The following JPH4 variants were observed in gnomAD, a reference collection of about 807,000 sequenced individuals.
JPH4 encodes junctophilin 4, also known as junctophilin-4.
A neutral mutation model predicts 57.6 loss-of-function variants in JPH4; 18 were observed. The observed-to-expected ratio is 0.31, with a 90% CI of 0.22 to 0.46. The LOEUF (loss-of-function observed/expected upper bound fraction) is 0.46. Ranked by LOEUF, JPH4 falls within the 20% of genes least tolerant of loss-of-function variation. The probability of loss-of-function intolerance (pLI) is 1.00; values close to 1 mark genes in which losing one functional copy is unlikely to be tolerated. For missense variants in JPH4, 727 were observed against 911.1 expected, an observed-to-expected ratio of 0.80 and a Z score of 2.60; for synonymous variants, 425 against 406.6, an observed-to-expected ratio of 1.05 and a Z score of -0.54.
chr14:23,575,734 G>C lies in JPH4; in HGVS notation c.1102C>G (p.Arg368Gly). Residue 368 changes from arginine to glycine, a missense_variant, in exon 3 of 6, where the codon CGT becomes GGT. Arg to Gly is a moderately radical substitution (Grantham distance 125). This residue lies in a region of JPH4 where 112 missense variants were observed against 199.4 expected (regional missense o/e 0.56). Coordinates refer to ENST00000356300, the MANE Select transcript of JPH4 (RefSeq NM_001146028.2). The surrounding 1 kb of genome is among the most constrained non-coding windows in gnomAD (Gnocchi z 6.9). ...TGACGGGCAGCACTCACGGCTCGAC[G>C]GGCGCCCTCGACAGCCCTGTCCACC... ...EKVDRAVEGA[R>G]RAVSAARQRQ... 2 of 1,594,042 alleles carry C rather than the reference G, an allele frequency of 1.3e-6. No individual in the cohort carries two copies. Among genetic ancestry groups the C allele is most frequent in the Non-Finnish European group, 1.7e-6 (2 of 1,173,104 alleles).
rs1485983992 is a variant in JPH4 at position 23,577,023 on chromosome 14, G to C, written c.379+52C>G. ...AATGGCGGGCGAAGGCCCAAGGCTGGGGAAGGCGCACGCGGACGAGCAGAC... is the reference window on the plus strand; with the variant it reads ...AATGGCGGGCGAAGGCCCAAGGCTGCGGAAGGCGCACGCGGACGAGCAGAC... On this transcript the variant is annotated intron_variant, in intron 2 of 5. Transcript: ENST00000356300. The surrounding 1 kb of genome is among the most constrained non-coding windows in gnomAD (Gnocchi z 8.4). 18 of 1,444,826 alleles carry C rather than the reference G, an allele frequency of 1.2e-5. No individual in the cohort carries two copies. The South Asian group carries it at 2.1e-4, about 16-fold the overall frequency. The allele number at this position is 1,444,826 out of a possible 1,614,324, so 89.5% of individuals were successfully genotyped here. A position where few individuals can be genotyped will look rare whatever the true frequency, so the allele number is the denominator to read the frequency against.
At position 23,576,296 on chromosome 14, in the gene JPH4, C is replaced by G. The variant is rs1044389038; in HGVS notation, c.540G>C (p.Pro180=). The change falls in exon 3 of 6, where the codon CCG becomes CCC. Residue 180 remains proline, a synonymous_variant. Coordinates refer to ENST00000356300, the MANE Select transcript of JPH4 (RefSeq NM_001146028.2). The surrounding 1 kb of genome is among the most constrained non-coding windows in gnomAD (Gnocchi z 8.0). The part of the protein sequence containing the change: ...PPTPPPPLPL[P]GDEGGSPASG... ...AGGCGGGGCTGCCTCCCTCGTCGCC[C>G]GGCAAGGGCAGGGGCGGGGGTGGCG... The G allele has an allele frequency of 1.6e-6, 2 of 1,267,218 alleles. No individual in the cohort carries two copies. Among genetic ancestry groups the G allele is most frequent in the Non-Finnish European group, 2.0e-6 (2 of 1,008,086 alleles). 78.5% of individuals were successfully genotyped at this position (1,267,218 alleles called of 1,614,324 possible).
In JPH4 at chr14:23,575,602, C is replaced by A; in HGVS notation, c.1151+83G>T. ...AGGCCCTAGGCCTTGGGCCTTGGGC[C>A]TCCCTTAGGCACACCCGCCTTCCTG... On this transcript the variant is annotated intron_variant, in intron 3 of 5. Coordinates refer to ENST00000356300, the MANE Select transcript of JPH4 (RefSeq NM_001146028.2). This position sits in a 1 kb window ranked among gnomAD's most constrained non-coding sequence, Gnocchi z 6.9. 6.6e-7 allele frequency: 1 copy of A among 1,523,302 alleles called. No individual in the cohort carries two copies. Among genetic ancestry groups the A allele is most frequent in the South Asian group, 1.2e-5 (1 of 83,734 alleles). 94.4% of individuals were successfully genotyped at this position (1,523,302 alleles called of 1,614,324 possible). A position where few individuals can be genotyped will look rare whatever the true frequency, so the allele number is the denominator to read the frequency against.
Position 23,577,545 on chromosome 14 carries a change from C to T in JPH4, c.-92G>A. On this transcript the variant is annotated 5_prime_UTR_variant, in exon 2 of 6. Coordinates refer to ENST00000356300, the MANE Select transcript of JPH4 (RefSeq NM_001146028.2). This position sits in a 1 kb window ranked among gnomAD's most constrained non-coding sequence, Gnocchi z 8.4. ...GGGGCCTTGGAGCCGGGCGAGGCCT[C>T]GGGGCGGGGGCAGTTAGACCGGGGC... 1 of 1,084,404 alleles carries T rather than the reference C, an allele frequency of 9.2e-7. No homozygotes were observed. Among genetic ancestry groups the T allele is most frequent in the Non-Finnish European group, 1.2e-6 (1 of 820,234 alleles). 67.2% of individuals were successfully genotyped at this position (1,084,404 alleles called of 1,614,324 possible). A position where few individuals can be genotyped will look rare whatever the true frequency, so the allele number is the denominator to read the frequency against.
chr14:23,571,654 G>C lies in JPH4; in HGVS notation c.1270+148C>G. 1 of 1,000,514 alleles carries C rather than the reference G, an allele frequency of 1.0e-6. No individual in the cohort carries two copies. Among genetic ancestry groups the C allele is most frequent in the East Asian group, 2.4e-5 (1 of 41,828 alleles). The allele number at this position is 1,000,514 out of a possible 1,614,324, so 62.0% of individuals were successfully genotyped here. ...CCCACTCCCCAGACTACCAGGTCTGGCCCCCACCCTGTGTTCCTTGCACCC... is the reference window on the plus strand; with the variant it reads ...CCCACTCCCCAGACTACCAGGTCTGCCCCCCACCCTGTGTTCCTTGCACCC... On this transcript the variant is annotated intron_variant, in intron 4 of 5. Coordinates refer to ENST00000356300, the MANE Select transcript of JPH4 (RefSeq NM_001146028.2). This position sits in a 1 kb window ranked among gnomAD's most constrained non-coding sequence, Gnocchi z 4.6.
chr14:23,572,038 G>A (rs959591369), intron 3 of JPH4, 118 bp from the exon 4 acceptor site: 4 of 874,410 alleles, frequency 4.6e-6, no homozygotes, highest in Admixed American at 2.1e-5. Flanking sequence ...CTCTCCTCTG[G>A]AGTCGTCACC....
rs1889270831 is a variant in JPH4, at chr14:23,576,270, G to A, written c.566C>T (p.Ser189Leu). 1 of 1,265,734 alleles carries A rather than the reference G, an allele frequency of 7.9e-7. No homozygotes were observed. The allele number at this position is 1,265,734 out of a possible 1,614,324, so 78.4% of individuals were successfully genotyped here. A position where few individuals can be genotyped will look rare whatever the true frequency, so the allele number is the denominator to read the frequency against. ...CAGCACGAAGCCGCCCCGGGAGCCC[G>A]AGGCGGGGCTGCCTCCCTCGTCGCC... ...LPGDEGGSPA[S>L]GSRGGFVLAG... The change falls in exon 3 of 6, where the codon TCG becomes TTG. Residue 189 changes from serine (S) to leucine (L), a missense_variant. Around this residue, in one of 7 missense-constraint regions of JPH4, gnomAD observed 131 missense variants for 156.5 expected, o/e 0.84. Transcript: ENST00000356300. This position sits in a 1 kb window ranked among gnomAD's most constrained non-coding sequence, Gnocchi z 8.0.
In JPH4 at chr14:23,575,713, G is replaced by A. The variant is rs771589774; in HGVS notation, c.1123C>T (p.Arg375Cys). The change falls in exon 3 of 6, where the codon CGT becomes TGT. Residue 375 changes from arginine (R) to cysteine (C), a missense_variant. By Grantham distance (180) the Arg-to-Cys change is radical. This residue lies in a region of JPH4 where 112 missense variants were observed against 199.4 expected (regional missense o/e 0.56). Transcript: ENST00000356300. This position sits in a 1 kb window ranked among gnomAD's most constrained non-coding sequence, Gnocchi z 6.9. Reference protein sequence around the residue: ...EGARRAVSAARQRQEIAAARA... With the variant: ...EGARRAVSAACQRQEIAAARA... ...GCAGCGGCGATCTCCTGGCGCTGAC[G>A]GGCAGCACTCACGGCTCGACGGGCG... 8.1e-6 allele frequency: 13 copies of A among 1,606,610 alleles called. No individual in the cohort carries two copies. The highest frequency in any genetic ancestry group is 2.7e-5 in the African/African-American group (2 of 74,814).
Position 23,576,041 on chromosome 14 carries a change from G to A in JPH4, c.795C>T (p.Pro265=). The change falls in exon 3 of 6, where the codon CCC becomes CCT. Residue 265 remains proline (P), a synonymous_variant. Transcript: ENST00000356300. This position sits in a 1 kb window ranked among gnomAD's most constrained non-coding sequence, Gnocchi z 8.0. ...TGPPGSEASG[P]PAAAPPALIE... ...TGAGGGCGGGCGGCGCTGCGGCCGG[G>A]GGCCCGCTGGCCTCCGAGCCGGGCG... 1 of 1,323,990 alleles carries A rather than the reference G, an allele frequency of 7.6e-7. No homozygotes were observed. Among genetic ancestry groups the A allele is most frequent in the African/African-American group, 1.5e-5 (1 of 64,980 alleles). The allele number at this position is 1,323,990 out of a possible 1,614,324, so 82.0% of individuals were successfully genotyped here. A position where few individuals can be genotyped will look rare whatever the true frequency, so the allele number is the denominator to read the frequency against.
chr14:23,571,191 C>A lies in JPH4; in HGVS notation c.1540G>T (p.Ala514Ser). ...CCTTGCATCCCAGCCTCATCCTCAG[C>A]CTCATAGCCAGCTAGTTCCTCTGCC... ...AQAEELAGYE[A>S]EDEAGMQGPG... is the part of the protein sequence containing the mutation. The change falls in exon 5 of 6, where the codon GCT (alanine) becomes TCT (serine). Residue 514 changes from alanine (A) to serine (S), a missense_variant. By Grantham distance (99) the Ala-to-Ser change is moderately conservative (BLOSUM62 1). Transcript: ENST00000356300. This position sits in a 1 kb window ranked among gnomAD's most constrained non-coding sequence, Gnocchi z 4.6. 1 of 1,614,076 alleles carries A rather than the reference C, an allele frequency of 6.2e-7. No homozygotes were observed. The highest frequency in any genetic ancestry group is 8.5e-7 in the Non-Finnish European group (1 of 1,179,980).
At position 23,576,507 on chromosome 14, in the gene JPH4, C is replaced by T. The variant is rs1889276517; in HGVS notation, c.380-51G>A. On this transcript the variant is annotated intron_variant, in intron 2 of 5. Transcript: ENST00000356300. The surrounding 1 kb of genome is among the most constrained non-coding windows in gnomAD (Gnocchi z 8.0). ...AAGAGTCAGGACGTGCCGCTGGGCTCCTTGCGCCCCAAGTCCCAAGCGCCC... is the reference window on the plus strand; with the variant it reads ...AAGAGTCAGGACGTGCCGCTGGGCTTCTTGCGCCCCAAGTCCCAAGCGCCC... The T allele has an allele frequency of 6.0e-6, 8 of 1,337,680 alleles. No homozygotes were observed. The Admixed American group carries it at 2.6e-4, about 43-fold the overall frequency. 82.9% of individuals were successfully genotyped at this position (1,337,680 alleles called of 1,614,324 possible).
intron 3 of JPH4, among the ~76,000 whole-genome samples, chr14:23,572,124 T>G (rs551807787): frequency 6.6e-6 from 1 of 152,260 alleles, no homozygotes; most frequent in East Asian, 1.9e-4. Flanking sequence ...CCCCCTGACC[T>G]GGGCTGTGTT....
chr14:23,570,367 CTTT>C (rs1173061430), intron 5 of JPH4, among the ~76,000 whole-genome samples: 3 of 103,326 alleles, frequency 2.9e-5, no homozygotes, highest in East Asian at 5.6e-4. Context: ...GGGCAAGTTA[CTTT>C]TTTTTTTTTT....
At position 23,578,014 on chromosome 14, in the gene JPH4, G is replaced by T. The variant is rs923271803; in HGVS notation, c.-172+166C>A. 4.0e-5 allele frequency: 6 copies of T among 151,710 alleles called. No homozygotes were observed. In the East Asian group the frequency reaches 7.8e-4, roughly 20 times the overall value. 9.4% of individuals were successfully genotyped at this position (151,710 alleles called of 1,614,324 possible). A position where few individuals can be genotyped will look rare whatever the true frequency, so the allele number is the denominator to read the frequency against. On this transcript the variant is annotated intron_variant, in intron 1 of 5. Transcript: ENST00000356300. ...GCGTCTCTGGCAAAGGGATGGGGGT[G>T]GGGGGTAGAATATGTAGCGGGGAGA...
In JPH4 at chr14:23,575,428, C is replaced by G. The variant is rs1009764595; in HGVS notation, c.1151+257G>C. ...GATTCCATAGACATGCATCTCCACA[C>G]AAAAGACACCGAGACACATTTACAG... On this transcript the variant is annotated intron_variant, in intron 3 of 5. Transcript: ENST00000356300. This position sits in a 1 kb window ranked among gnomAD's most constrained non-coding sequence, Gnocchi z 6.9. 3.5e-6 allele frequency: 2 copies of G among 574,106 alleles called. No homozygotes were observed. Among genetic ancestry groups the G allele is most frequent in the East Asian group, 5.7e-5 (2 of 35,084 alleles). The allele number at this position is 574,106 out of a possible 1,614,324, so 35.6% of individuals were successfully genotyped here.
intron 3 of JPH4, among the ~76,000 whole-genome samples, chr14:23,572,121 A>AC (rs752927802): frequency 6.6e-6 from 1 of 151,698 alleles, no homozygotes; most frequent in Non-Finnish European, 1.5e-5. Flanking sequence ...CCTCCCCCTG[A>AC]CCTGGGCTGT....
At position 23,568,748 on chromosome 14, in the gene JPH4, C is replaced by T. The variant is rs1888928838; in HGVS notation, c.*886G>A. On this transcript the variant is annotated 3_prime_UTR_variant, in exon 6 of 6. Transcript: ENST00000356300. Reference sequence around the variant, plus strand: ...CTGCAGTAGAAATGTCTTCTTCAGGCCCCTTAGGAATTTAATCAAAGGCCA... The same window carrying T: ...CTGCAGTAGAAATGTCTTCTTCAGGTCCCTTAGGAATTTAATCAAAGGCCA... The T allele has an allele frequency of 2.0e-6, 2 of 985,864 alleles. No homozygotes were observed. Among genetic ancestry groups the T allele is most frequent in the South Asian group, 4.7e-5 (1 of 21,284 alleles). 61.1% of individuals were successfully genotyped at this position (985,864 alleles called of 1,614,324 possible). A position where few individuals can be genotyped will look rare whatever the true frequency, so the allele number is the denominator to read the frequency against.
chr14:23,576,182 G>T lies in JPH4; in HGVS notation c.654C>A (p.Phe218Leu). The stretch of plus-strand genomic sequence containing the variant: ...CGCTGAGCAGCAGCGAACGGCGAAA[G>T]AATCCGCCGGCCGCCGGAGTGCGCT... ...SRKRTPAAGG[F>L]FRRSLLLSGL... The change falls in exon 3 of 6, where the codon TTC (phenylalanine) becomes TTA (leucine). Residue 218 changes from phenylalanine (F) to leucine (L), a missense_variant. Physicochemically the swap from Phe to Leu is conservative, Grantham distance 22. Around this residue, in one of 7 missense-constraint regions of JPH4, gnomAD observed 131 missense variants for 156.5 expected, o/e 0.84. Coordinates refer to ENST00000356300, the MANE Select transcript of JPH4 (RefSeq NM_001146028.2). The surrounding 1 kb of genome is among the most constrained non-coding windows in gnomAD (Gnocchi z 8.0). The T allele has an allele frequency of 6.2e-6, 8 of 1,298,856 alleles. No individual in the cohort carries two copies. The highest frequency in any genetic ancestry group is 7.8e-6 in the Non-Finnish European group (8 of 1,022,296). The allele number at this position is 1,298,856 out of a possible 1,614,324, so 80.5% of individuals were successfully genotyped here.
At chr14:23,570,367 C>CT (rs1173061430) in intron 5 of JPH4, among the ~76,000 whole-genome samples, 2,520 of 103,330 alleles carry the variant, frequency 0.024, 114 homozygotes, top group Non-Finnish European at 0.032. Flanking sequence ...GGGCAAGTTA[C>CT]TTTTTTTTTT....
Sources: gnomAD v4.1 joint callset for allele counts (sites outside exome capture counted in the v4.1 genomes callset) on GRCh38, gnomAD v4.1.1 for gene constraint, gnomAD v4.1.1 regional missense constraint, Gnocchi (gnomAD v3.1) non-coding constraint, MANE v1.5 for transcripts, NCBI Gene and HGNC (gene_info 2026-07-23, HGNC 2026-07-21) for gene names.